Variants in SMO observed in about 807,000 individuals in gnomAD.
SMO encodes smoothened, frizzled class receptor, also known as protein smoothened.
Under a neutral mutation model 81.6 loss-of-function variants are expected in SMO, and 40 were observed. The ratio of observed to expected loss-of-function variants is 0.49; its 90% CI spans 0.38 to 0.64. The LOEUF (loss-of-function observed/expected upper bound fraction) is 0.64, where lower values mean the gene tolerates loss of function less well. SMO is among the 30% of genes least tolerant of loss of function. SMO has a pLI of 0.00. For missense variants in SMO, 916 were observed against 1,061.1 expected (o/e 0.86, Z 1.90); for synonymous variants, 434 against 432.1 (o/e 1.00, Z -0.05).
At chr7:129,207,800 G>GGA (rs1554462378) in intron 6 of SMO, among the ~76,000 whole-genome samples, 2 of 152,136 alleles carry the variant, frequency 1.3e-5, no homozygotes, top group Non-Finnish European at 2.9e-5. Context: ...GGCTGAGGTG[G>GGA]GAGGCTTGCT....
At chr7:129,203,107 G>T (rs780244534) in intron 1 of SMO, among the ~76,000 whole-genome samples, 6 of 152,122 alleles carry the variant, frequency 3.9e-5, no homozygotes, top group Non-Finnish European at 7.3e-5. Context: ...TCTAGTCACC[G>T]TCCCTAGAGT....
At chr7:129,196,799 C>T (rs1001147794) in intron 1 of SMO, among the ~76,000 whole-genome samples, 6 of 152,040 alleles carry the variant, frequency 3.9e-5, no homozygotes, top group Admixed American at 2.6e-4. Flanking sequence ...AGGGGGATCA[C>T]GAGGTCAGGA....
Position 129,211,313 on chromosome 7 carries a change from CT to C in SMO, c.1801+201del, listed in dbSNP as rs35526047. ...GGCTCTCCCCTCTCTGTTTCTGCCCCTGGGTCTGCTTGCCGGTGCTTGGGTT... is the reference window on the plus strand; with the variant it reads ...GGCTCTCCCCTCTCTGTTTCTGCCCCGGGTCTGCTTGCCGGTGCTTGGGTT... On this transcript the variant is annotated intron_variant, in intron 10 of 11. Coordinates refer to ENST00000249373, the MANE Select transcript of SMO (RefSeq NM_005631.5). This position sits in a 1 kb window ranked among gnomAD's most constrained non-coding sequence, Gnocchi z 4.6. The C allele has an allele frequency of 0.03, 22,284 of 735,936 alleles. 511 individuals are homozygous for C. Among genetic ancestry groups the C allele is most frequent in the Admixed American group, 0.08 (3,990 of 49,958 alleles). 45.6% of individuals were successfully genotyped at this position (735,936 alleles called of 1,614,324 possible).
rs1484279773 is a variant in SMO at position 129,210,301 on chromosome 7, T to C, written c.1467-62T>C. On this transcript the variant is annotated intron_variant, in intron 8 of 11. Coordinates refer to ENST00000249373, the MANE Select transcript of SMO (RefSeq NM_005631.5). This position sits in a 1 kb window ranked among gnomAD's most constrained non-coding sequence, Gnocchi z 4.7. ...GCCTGGGTGACAGAGCAAGATCCTA[T>C]CTCAAAAAAAGAGAGAGGAAAAGAA... is the stretch of plus-strand genomic sequence containing the variant. The C allele has an allele frequency of 7.1e-7, 1 of 1,410,888 alleles. No homozygotes were observed. The highest frequency in any genetic ancestry group is 2.3e-5 in the East Asian group (1 of 43,680). The allele number at this position is 1,410,888 out of a possible 1,614,324, so 87.4% of individuals were successfully genotyped here.
In SMO at chr7:129,203,509, C is replaced by T. The variant is rs201412858; in HGVS notation, c.457C>T (p.Pro153Ser). 3.1e-6 allele frequency: 5 copies of T among 1,607,682 alleles called. No individual in the cohort carries two copies. The Admixed American group carries it at 8.4e-5, about 27-fold the overall frequency. Reference sequence around the variant, plus strand: ...TACCCTCTGCCAGGCCACCCGAGGCCCCTGTGCCATCGTGGAGAGGGAGCG... The same window carrying T: ...TACCCTCTGCCAGGCCACCCGAGGCTCCTGTGCCATCGTGGAGAGGGAGCG... ...SRTLCQATRG[P>S]CAIVERERGW... Residue 153 changes from proline to serine, a missense_variant, in exon 2 of 12, where the codon CCC (proline) becomes TCC (serine). By Grantham distance (74) the Pro-to-Ser change is moderately conservative (BLOSUM62 -1). Around this residue, in one of 4 missense-constraint regions of SMO, gnomAD observed 436 missense variants for 570.9 expected, o/e 0.76. Coordinates refer to ENST00000249373, the MANE Select transcript of SMO (RefSeq NM_005631.5).
chr7:129,203,508 C>T lies in SMO; in HGVS notation c.456C>T (p.Gly152=). ...PSRTLCQATR[G]PCAIVERERG... Reference sequence around the variant, plus strand: ...GTACCCTCTGCCAGGCCACCCGAGGCCCCTGTGCCATCGTGGAGAGGGAGC... The same window carrying T: ...GTACCCTCTGCCAGGCCACCCGAGGTCCCTGTGCCATCGTGGAGAGGGAGC... The change falls in exon 2 of 12, where the codon GGC becomes GGT. Residue 152 remains glycine (G), a synonymous_variant. Coordinates refer to ENST00000249373, the MANE Select transcript of SMO (RefSeq NM_005631.5). The T allele has an allele frequency of 1.2e-6, 2 of 1,607,358 alleles. No homozygotes were observed. The highest frequency in any genetic ancestry group is 1.7e-6 in the Non-Finnish European group (2 of 1,178,740).
intron 1 of SMO, among the ~76,000 whole-genome samples, chr7:129,197,333 G>GT (rs1793597648): frequency 6.6e-6 from 1 of 152,050 alleles, no homozygotes; most frequent in East Asian, 1.9e-4. Context: ...TTTGGTATAG[G>GT]TTTTTTATAG....
chr7:129,193,446 G>A (rs1477542562), intron 1 of SMO, among the ~76,000 whole-genome samples: 1 of 152,004 alleles, frequency 6.6e-6, no homozygotes, highest in Non-Finnish European at 1.5e-5. Context: ...AAACTTGGCT[G>A]GTAATCAGAG....
At position 129,210,283 on chromosome 7, in the gene SMO, T is replaced by A. The variant is rs1793847766; in HGVS notation, c.1467-80T>A. 2 of 1,245,910 alleles carry A rather than the reference T, an allele frequency of 1.6e-6. No homozygotes were observed. The highest frequency in any genetic ancestry group is 1.8e-5 in the Admixed American group (1 of 56,294). The allele number at this position is 1,245,910 out of a possible 1,614,324, so 77.2% of individuals were successfully genotyped here. ...TCACGCCACCGCACTCTAGCCTGGGTGACAGAGCAAGATCCTATCTCAAAA... is the reference window on the plus strand; with the variant it reads ...TCACGCCACCGCACTCTAGCCTGGGAGACAGAGCAAGATCCTATCTCAAAA... On this transcript the variant is annotated intron_variant, in intron 8 of 11. Transcript: ENST00000249373. The surrounding 1 kb of genome is among the most constrained non-coding windows in gnomAD (Gnocchi z 4.7).
chr7:129,208,400 G>A lies in SMO; in HGVS notation c.1265-359G>A, dbSNP rs1204161305. ...TGGGAGGCGGAGTTTACAATGAGCC[G>A]AGATCACGCCATTGCACTCCAGCCT... On this transcript the variant is annotated intron_variant, in intron 6 of 11. Transcript: ENST00000249373. The surrounding 1 kb of genome is among the most constrained non-coding windows in gnomAD (Gnocchi z 5.2). Among the ~76,000 whole-genome samples, 3 of 151,816 alleles carry A rather than the reference G, an allele frequency of 2.0e-5. No individual in the cohort carries two copies. Among genetic ancestry groups the A allele is most frequent in the African/African-American group, 7.3e-5 (3 of 41,286 alleles).
intron 1 of SMO, among the ~76,000 whole-genome samples, chr7:129,202,417 A>G (rs1339368037): frequency 6.6e-6 from 1 of 152,132 alleles, no homozygotes; most frequent in Non-Finnish European, 1.5e-5. Flanking sequence ...TGGAAATGTG[A>G]CCGGCACCCA....
Position 129,206,614 on chromosome 7 carries a change from T to C in SMO, c.1264+27T>C, listed in dbSNP as rs1429990562. On this transcript the variant is annotated intron_variant, in intron 6 of 11. Transcript: ENST00000249373. The surrounding 1 kb of genome is among the most constrained non-coding windows in gnomAD (Gnocchi z 4.4). The stretch of plus-strand genomic sequence containing the variant: ...TGAGTGAAGACCAGGCCAGGACCAG[T>C]TGGGCAACAAAATATACTGGGCACT... 4.3e-6 allele frequency: 7 copies of C among 1,612,138 alleles called. No individual in the cohort carries two copies. Among genetic ancestry groups the C allele is most frequent in the Non-Finnish European group, 5.9e-6 (7 of 1,178,864 alleles).
rs370475787 is a variant in SMO, at chr7:129,208,895, C to A, written c.1357+44C>A. On this transcript the variant is annotated intron_variant, in intron 7 of 11. Coordinates refer to ENST00000249373, the MANE Select transcript of SMO (RefSeq NM_005631.5). The surrounding 1 kb of genome is among the most constrained non-coding windows in gnomAD (Gnocchi z 5.2). ...CTTCGGTCTGAGGTCCTGGCCAGCC[C>A]AACACTGCACCCTCCTGGGGCTATG... is the stretch of plus-strand genomic sequence containing the variant. 1.5e-6 allele frequency: 2 copies of A among 1,313,860 alleles called. No individual in the cohort carries two copies. Among genetic ancestry groups the A allele is most frequent in the Non-Finnish European group, 2.2e-6 (2 of 912,160 alleles). 81.4% of individuals were successfully genotyped at this position (1,313,860 alleles called of 1,614,324 possible).
Position 129,212,022 on chromosome 7 carries a change from A to T in SMO, c.1937-2A>T, listed in dbSNP as rs752417456. On this transcript the variant is annotated splice_acceptor_variant, in intron 11 of 11. Coordinates refer to ENST00000249373, the MANE Select transcript of SMO (RefSeq NM_005631.5). LOFTEE classifies it high-confidence loss of function. This position sits in a 1 kb window ranked among gnomAD's most constrained non-coding sequence, Gnocchi z 5.0. ...GGCTCGTGTTGTCTCTCCTCCTGTC[A>T]GTGCCCCCAGAGGAACAAGCCAACC... 1 of 1,580,812 alleles carries T rather than the reference A, an allele frequency of 6.3e-7. No homozygotes were observed. The highest frequency in any genetic ancestry group is 8.5e-7 in the Non-Finnish European group (1 of 1,170,174).
In SMO at chr7:129,209,281, C is replaced by T. The variant is rs2150652740; in HGVS notation, c.1358-8C>T. 6.3e-7 allele frequency: 1 copy of T among 1,576,110 alleles called. No individual in the cohort carries two copies. Among genetic ancestry groups the T allele is most frequent in the Non-Finnish European group, 8.7e-7 (1 of 1,145,246 alleles). On this transcript the variant is annotated splice_polypyrimidine_tract_variant and splice_region_variant and intron_variant, in intron 7 of 11. Transcript: ENST00000249373. ...GGTAACGTCCTGTCCTGCCCCTGTC[C>T]TCCACAGGCATTTTTGGCTTCCTGG...
chr7:129,196,800 G>C (rs1181675469), intron 1 of SMO, among the ~76,000 whole-genome samples: 2 of 151,954 alleles, frequency 1.3e-5, no homozygotes, highest in Non-Finnish European at 2.9e-5. Context: ...GGGGGATCAC[G>C]AGGTCAGGAG....
At chr7:129,201,116 C>T (rs1053982833) in intron 1 of SMO, among the ~76,000 whole-genome samples, 8 of 151,762 alleles carry the variant, frequency 5.3e-5, no homozygotes, top group East Asian at 3.9e-4. Flanking sequence ...GTGCCATCTC[C>T]GCTTACTGCA....
intron 1 of SMO, among the ~76,000 whole-genome samples, chr7:129,201,000 G>A (rs998877938): frequency 2.6e-4 from 40 of 151,866 alleles, no homozygotes; most frequent in African/African-American, 9.7e-4. Context: ...GCCTCTCAAA[G>A]TGCTGGGATT....
chr7:129,197,066 C>T (rs1793594472), intron 1 of SMO, among the ~76,000 whole-genome samples: 1 of 148,568 alleles, frequency 6.7e-6, no homozygotes. Flanking sequence ...ACATTTATTT[C>T]ACTTTGTTGC....
Sources: allele counts gnomAD v4.1 joint callset (sites outside exome capture counted in the v4.1 genomes callset), GRCh38; gene constraint gnomAD v4.1.1; regional missense constraint gnomAD v4.1.1; non-coding constraint Gnocchi (gnomAD v3.1); transcripts MANE v1.5; gene names NCBI Gene and HGNC (gene_info 2026-07-23, HGNC 2026-07-21).